THRB: variants seen among roughly 807,000 people sequenced by gnomAD.
THRB encodes the protein nuclear receptor subfamily 1 group A member 2.
In THRB, 12 loss-of-function variants were observed where a neutral mutation model predicts 47.8. That is an observed-to-expected ratio of 0.25 (90% confidence interval 0.16 to 0.41). The LOEUF is 0.41. Ranked by LOEUF, THRB falls within the 10% of genes least tolerant of loss-of-function variation. The probability of loss-of-function intolerance (pLI) is 1.00; values close to 1 mark genes in which losing one functional copy is unlikely to be tolerated. For missense variants in THRB, 348 were observed against 589.2 expected (o/e 0.59, Z 4.24); for synonymous variants, 218 against 212.2 (o/e 1.03, Z -0.24).
At chr3:24,308,338 A>C (rs568610223) in intron 2 of THRB, among the ~76,000 whole-genome samples, 37 of 152,342 alleles carry the variant, frequency 2.4e-4, no homozygotes, top group African/African-American at 8.2e-4. Flanking sequence ...GAATTCTATG[A>C]AAGAATTAGG....
At chr3:24,165,308 C>A in intron 5 of THRB, 1 of 764,956 alleles carries the variant, frequency 1.3e-6, no homozygotes, top group Non-Finnish European at 2.4e-6. Flanking sequence ...GCAATTGCTG[C>A]CGGCAGCTGG....
intron 3 of THRB, among the ~76,000 whole-genome samples, chr3:24,235,437 T>C (rs1289848486): frequency 6.6e-6 from 1 of 152,162 alleles, no homozygotes; most frequent in Non-Finnish European, 1.5e-5. Context: ...ATCAACCTTT[T>C]GTGGCCTTTT....
intron 8 of THRB, among the ~76,000 whole-genome samples, chr3:24,137,831 T>C (rs1349214579): frequency 6.6e-6 from 1 of 152,044 alleles, no homozygotes; most frequent in East Asian, 1.9e-4. Context: ...AGGAAACAGC[T>C]GTGGTTTGGG....
chr3:24,263,479 A>G (rs1336807436), intron 3 of THRB, among the ~76,000 whole-genome samples: 1 of 152,086 alleles, frequency 6.6e-6, no homozygotes, highest in Non-Finnish European at 1.5e-5. Flanking sequence ...TGTCACCAAT[A>G]TGCATAATAT....
At chr3:24,332,979 G>C (rs963857699) in intron 2 of THRB, among the ~76,000 whole-genome samples, 2 of 152,178 alleles carry the variant, frequency 1.3e-5, no homozygotes, top group African/African-American at 2.4e-5. Flanking sequence ...CAGTTACTCA[G>C]GAGGCTGAGG....
intron 3 of THRB, among the ~76,000 whole-genome samples, chr3:24,294,362 T>C (rs2056257956): frequency 6.6e-6 from 1 of 152,168 alleles, no homozygotes; most frequent in Admixed American, 6.5e-5. Context: ...TAAAAAATAG[T>C]TGTTTAAAGC....
At chr3:24,277,010 G>A (rs767353340) in intron 3 of THRB, among the ~76,000 whole-genome samples, 1 of 152,170 alleles carries the variant, frequency 6.6e-6, no homozygotes, top group African/African-American at 2.4e-5. Flanking sequence ...TTAGGAGGAG[G>A]GGTATAAGTT....
At chr3:24,124,012 C>T (rs1255812041) in intron 10 of THRB, among the ~76,000 whole-genome samples, 1 of 152,186 alleles carries the variant, frequency 6.6e-6, no homozygotes, top group Admixed American at 6.5e-5. Context: ...AATCTATAAA[C>T]CCGGATGAAT....
In THRB at chr3:24,120,538, A is replaced by G. The variant is rs570471899; in HGVS notation, c.*2346T>C. On this transcript the variant is annotated 3_prime_UTR_variant, in exon 11 of 11. Transcript: ENST00000646209. ...TCCCCAGAAGGCCTGACGCTGCAGG[A>G]CCCTGCCTGCTTGCCTTCCTCTCAT... 95 of 152,408 alleles carry G rather than the reference A, an allele frequency of 6.2e-4. 1 individual carries two copies. The highest frequency in any genetic ancestry group is 2.2e-3 in the African/African-American group (93 of 41,578). The allele number at this position is 152,408 out of a possible 1,614,324, so 9.4% of individuals were successfully genotyped here. A position where few individuals can be genotyped will look rare whatever the true frequency, so the allele number is the denominator to read the frequency against.
chr3:24,324,359 A>G (rs1408463294), intron 2 of THRB, among the ~76,000 whole-genome samples: 1 of 152,014 alleles, frequency 6.6e-6, no homozygotes, highest in Non-Finnish European at 1.5e-5. Context: ...CCCCTTGTCT[A>G]CAGCAGAACA....
At chr3:24,213,147 A>G (rs2046228156) in intron 4 of THRB, among the ~76,000 whole-genome samples, 1 of 152,196 alleles carries the variant, frequency 6.6e-6, no homozygotes, top group African/African-American at 2.4e-5. Context: ...GAGAAAACTG[A>G]TTAGGAAGTG....
At chr3:24,373,412 T>C (rs1176499909) in intron 1 of THRB, among the ~76,000 whole-genome samples, 1 of 152,130 alleles carries the variant, frequency 6.6e-6, no homozygotes, top group Non-Finnish European at 1.5e-5. Context: ...TTTTCTATCA[T>C]ATGACTTCCC....
chr3:24,325,045 A>T (rs1425163411), intron 2 of THRB, among the ~76,000 whole-genome samples: 4 of 152,246 alleles, frequency 2.6e-5, no homozygotes, highest in Non-Finnish European at 4.4e-5. Flanking sequence ...CAGACTGTGT[A>T]TTAAATTCTT....
chr3:24,127,447 T>G, intron 10 of THRB, 52 bp downstream of exon 10: 1 of 1,605,502 alleles, frequency 6.2e-7, no homozygotes, highest in South Asian at 1.1e-5. Flanking sequence ...GAATTAGCGC[T>G]AGACAAGCAA....
chr3:24,129,902 T>C (rs2033556906), intron 9 of THRB, among the ~76,000 whole-genome samples: 1 of 152,210 alleles, frequency 6.6e-6, no homozygotes, highest in African/African-American at 2.4e-5. Flanking sequence ...TCTTGTTTGG[T>C]GGGTTGGCGT....
rs2148880588 is a variant in THRB, at chr3:24,131,898, C to T, written c.885+1418G>A. On this transcript the variant is annotated intron_variant, in intron 9 of 10. Coordinates refer to ENST00000646209, the MANE Select transcript of THRB (RefSeq NM_001354712.2). Reference sequence around the variant, plus strand: ...CCTGAACTAAGACACCTGGCCCCCACCACAGTGAAGCTGGGGCTAAGAGGG... The same window carrying T: ...CCTGAACTAAGACACCTGGCCCCCATCACAGTGAAGCTGGGGCTAAGAGGG... 1.3e-5 allele frequency among the ~76,000 whole-genome samples: 2 copies of T among 152,310 alleles called. 1 individual carries two copies. The highest frequency in any genetic ancestry group is 4.1e-4 in the South Asian group (2 of 4,824).
chr3:24,173,165 C>A, intron 5 of THRB, among the ~76,000 whole-genome samples: 1 of 152,142 alleles, frequency 6.6e-6, no homozygotes. Flanking sequence ...AGCAAGCCCT[C>A]CAGGGGATTC....
At chr3:24,188,978 A>G (rs2042996463) in intron 5 of THRB, among the ~76,000 whole-genome samples, 6 of 150,662 alleles carry the variant, frequency 4.0e-5, no homozygotes. Context: ...TTTCACTATT[A>G]CTTTTGAATA....
intron 5 of THRB, among the ~76,000 whole-genome samples, chr3:24,176,801 G>T (rs2041215523): frequency 6.6e-6 from 1 of 152,066 alleles, no homozygotes; most frequent in Non-Finnish European, 1.5e-5. Flanking sequence ...CAGGAATGGG[G>T]AGTAACTGTA....
Sources: gnomAD v4.1 joint callset for allele counts (sites outside exome capture counted in the v4.1 genomes callset) on GRCh38, gnomAD v4.1.1 for gene constraint, MANE v1.5 for transcripts, NCBI Gene and HGNC (gene_info 2026-07-23, HGNC 2026-07-21) for gene names.